Variants in CACNA2D3 observed in about 807,000 individuals in gnomAD.
CACNA2D3 encodes the protein calcium voltage-gated channel auxiliary subunit alpha2delta 3.
CACNA2D3 carries 60 observed loss-of-function variants against 160.6 expected under a neutral mutation model. The observed-to-expected ratio is 0.37, with a 90% CI of 0.30 to 0.46. CACNA2D3 has a LOEUF of 0.46. Ranked by LOEUF, CACNA2D3 falls within the 20% of genes least tolerant of loss-of-function variation. The pLI, the probability that CACNA2D3 is intolerant of heterozygous loss-of-function variation, is 1.00. For missense variants in CACNA2D3, 1,205 were observed against 1,365.0 expected (o/e 0.88, Z 1.85); for synonymous variants, 558 against 492.9 (o/e 1.13, Z -1.75).
chr3:54,880,687 C>T (rs924933022), intron 20 of CACNA2D3, 109 bp from the exon 21 acceptor site: 12 of 963,418 alleles, frequency 1.2e-5, no homozygotes, highest in Non-Finnish European at 1.8e-5. Context: ...AAATTGTTGA[C>T]AGATCATAAA....
chr3:54,510,533 A>G lies in CACNA2D3; in HGVS notation c.544+6879A>G, dbSNP rs555693432. ...GAAAAGAGTTTATGCTTCCTGCCTA[A>G]GGCTCTCTGAAGCACTGTTCCTGTC... On this transcript the variant is annotated intron_variant, in intron 5 of 37. Coordinates refer to ENST00000474759, the MANE Select transcript of CACNA2D3 (RefSeq NM_018398.3). 2.0e-5 allele frequency among the ~76,000 whole-genome samples: 3 copies of G among 152,256 alleles called. No homozygotes were observed. The South Asian group carries it at 6.2e-4, about 32-fold the overall frequency.
chr3:54,837,321 T>A, intron 15 of CACNA2D3, 91 bp downstream of exon 15: 1 of 1,011,016 alleles, frequency 9.9e-7, no homozygotes, highest in Non-Finnish European at 1.6e-6. Context: ...TTTTGATTTT[T>A]AAGCATAGGA....
In CACNA2D3 at chr3:54,451,229, C is replaced by CTTTTTTTTTTTTTTTTTTTTTTT. The variant is rs71074970; in HGVS notation, c.382-52253_382-52231dup. 3.9e-5 allele frequency among the ~76,000 whole-genome samples: 2 copies of CTTTTTTTTTTTTTTTTTTTTTTT among 51,732 alleles called. 1 individual carries two copies. The highest frequency in any genetic ancestry group is 6.3e-5 in the Non-Finnish European group (2 of 31,614). The allele number at this position is 51,732 out of a possible 152,430, so 33.9% of individuals were successfully genotyped here. A position where few individuals can be genotyped will look rare whatever the true frequency, so the allele number is the denominator to read the frequency against. Reference sequence around the variant, plus strand: ...TGTCCCTTTCTGCTGATATAATAATCTTTTTTTTTTTTTTTTTTTTTTTTT... The same window carrying CTTTTTTTTTTTTTTTTTTTTTTT: ...TGTCCCTTTCTGCTGATATAATAATCTTTTTTTTTTTTTTTTTTTTTTTTTTTTTTTTTTTTTTTTTTTTTTTT... On this transcript the variant is annotated intron_variant, in intron 4 of 37. Transcript: ENST00000474759.
intron 2 of CACNA2D3, among the ~76,000 whole-genome samples, chr3:54,165,616 A>AG (rs60297165): frequency 0.37 from 55,067 of 147,038 alleles, 10,654 homozygotes; most frequent in South Asian, 0.47. Context: ...AAAAAAAAAA[A>AG]AAAGAAAAAT....
At chr3:54,887,028 A>G (rs542993204) in intron 23 of CACNA2D3, among the ~76,000 whole-genome samples, 42 of 137,750 alleles carry the variant, frequency 3.0e-4, no homozygotes, top group Non-Finnish European at 5.4e-4. Context: ...TGAAAACTCT[A>G]GGATGCCTCT....
intron 12 of CACNA2D3, among the ~76,000 whole-genome samples, chr3:54,762,013 A>G (rs1371947448): frequency 6.6e-5 from 10 of 152,198 alleles, no homozygotes; most frequent in Non-Finnish European, 1.3e-4. Context: ...TCAGAGGCAC[A>G]CATACTCTCT....
chr3:54,666,580 T>G (rs1260429917), intron 11 of CACNA2D3, among the ~76,000 whole-genome samples: 1 of 152,208 alleles, frequency 6.6e-6, no homozygotes, highest in Non-Finnish European at 1.5e-5. Context: ...AAGTCAGGGA[T>G]GCCTATTAGT....
intron 13 of CACNA2D3, among the ~76,000 whole-genome samples, chr3:54,801,734 A>G (rs566324270): frequency 1.3e-5 from 2 of 152,288 alleles, no homozygotes; most frequent in African/African-American, 4.8e-5. Context: ...AACACTTAGG[A>G]AAGTATATGT....
intron 2 of CACNA2D3, among the ~76,000 whole-genome samples, chr3:54,163,048 T>C (rs116661448): frequency 0.024 from 3,691 of 152,182 alleles, 162 homozygotes; most frequent in African/African-American, 0.085. Flanking sequence ...TCTTGACATA[T>C]TTGAGAAATG....
At chr3:54,772,906 C>G (rs865804700) in intron 13 of CACNA2D3, among the ~76,000 whole-genome samples, 9 of 152,340 alleles carry the variant, frequency 5.9e-5, no homozygotes, top group Middle Eastern at 3.4e-3. Context: ...AAGGAAGCAT[C>G]AGCATTCCTG....
rs528058583 is a variant in CACNA2D3 at position 54,781,398 on chromosome 3, G to A, written c.1380+17047G>A. Among the ~76,000 whole-genome samples the A allele has an allele frequency of 9.8e-5, 15 of 152,318 alleles. No homozygotes were observed. In the South Asian group the frequency reaches 3.1e-3, roughly 32 times the overall value. Reference sequence around the variant, plus strand: ...AACACTCAGAATGTGTGGGCTTGATGGTTCTCTTATTAAGCTGGATTGCCC... The same window carrying A: ...AACACTCAGAATGTGTGGGCTTGATAGTTCTCTTATTAAGCTGGATTGCCC... On this transcript the variant is annotated intron_variant, in intron 13 of 37. Coordinates refer to ENST00000474759, the MANE Select transcript of CACNA2D3 (RefSeq NM_018398.3).
rs1350695406 is a variant in CACNA2D3, at chr3:54,832,010, G to A, written c.1399-5149G>A. On this transcript the variant is annotated intron_variant, in intron 14 of 37. Coordinates refer to ENST00000474759, the MANE Select transcript of CACNA2D3 (RefSeq NM_018398.3). ...CTCCCTCTTTATCTCTCTCTTCTCT[G>A]TCACACACACACACACACACACACA... 3.1e-3 allele frequency among the ~76,000 whole-genome samples: 106 copies of A among 34,696 alleles called. 1 individual carries two copies. The highest frequency in any genetic ancestry group is 0.012 in the African/African-American group (96 of 8,096). The allele number at this position is 34,696 out of a possible 152,430, so 22.8% of individuals were successfully genotyped here.
intron 2 of CACNA2D3, among the ~76,000 whole-genome samples, chr3:54,310,979 C>A (rs7427630): frequency 0.7 from 106,779 of 151,972 alleles, 37,647 homozygotes; most frequent in Non-Finnish European, 0.74. Context: ...CCCTGGTCCT[C>A]GGCACCATGA....
rs181613360 is a variant in CACNA2D3 at position 54,922,672 on chromosome 3, G to A, written c.2449+22804G>A. On this transcript the variant is annotated intron_variant, in intron 27 of 37. Coordinates refer to ENST00000474759, the MANE Select transcript of CACNA2D3 (RefSeq NM_018398.3). ...GACACTGTTGACTTCCCTAATTCAT[G>A]TCTGTAGCTCCAACATCTTCCTGAG... 4.0e-4 allele frequency among the ~76,000 whole-genome samples: 61 copies of A among 152,182 alleles called. 1 individual carries two copies. The East Asian group carries it at 9.7e-3, about 24-fold the overall frequency.
At chr3:54,884,837 T>C (rs922013386) in intron 21 of CACNA2D3, among the ~76,000 whole-genome samples, 1 of 152,244 alleles carries the variant, frequency 6.6e-6, no homozygotes, top group Non-Finnish European at 1.5e-5. Flanking sequence ...TAGGGACTAC[T>C]ATTCCTGCTT....
At chr3:54,514,858 G>A (rs1701519362) in intron 5 of CACNA2D3, among the ~76,000 whole-genome samples, 1 of 152,158 alleles carries the variant, frequency 6.6e-6, no homozygotes, top group South Asian at 2.1e-4. Flanking sequence ...GAATGTTTTG[G>A]GTTGAAATAA....
At chr3:54,873,524 C>G (rs1699589217) in intron 18 of CACNA2D3, among the ~76,000 whole-genome samples, 1 of 152,110 alleles carries the variant, frequency 6.6e-6, no homozygotes, top group African/African-American at 2.4e-5. Context: ...CGAATGTCTC[C>G]TTTAGTAATC....
At chr3:54,146,470 C>T (rs955510883) in intron 2 of CACNA2D3, among the ~76,000 whole-genome samples, 3 of 152,232 alleles carry the variant, frequency 2.0e-5, no homozygotes, top group Admixed American at 2.0e-4. Flanking sequence ...TAAGCTAGGT[C>T]TGCCCAGCTC....
intron 14 of CACNA2D3, among the ~76,000 whole-genome samples, chr3:54,821,833 A>T (rs1703610740): frequency 6.6e-6 from 1 of 151,912 alleles, no homozygotes; most frequent in Admixed American, 6.6e-5. Flanking sequence ...AGCAATTGCG[A>T]GGCATCATTT....
Sources: gnomAD v4.1 joint callset for allele counts (sites outside exome capture counted in the v4.1 genomes callset) on GRCh38, gnomAD v4.1.1 for gene constraint, MANE v1.5 for transcripts, NCBI Gene and HGNC (gene_info 2026-07-23, HGNC 2026-07-21) for gene names.